SLC8A1: variants seen among roughly 807,000 people sequenced by gnomAD.
SLC8A1 encodes sodium/calcium exchanger 1.
SLC8A1 carries 18 observed loss-of-function variants against 68.3 expected under a neutral mutation model. The observed-to-expected ratio is 0.26, with a 90% confidence interval of 0.18 to 0.39. SLC8A1 has a LOEUF of 0.39. Among genes scored for constraint, SLC8A1 ranks in the 10% least tolerant of loss-of-function variants. The pLI is 1.00. For missense variants in SLC8A1, 985 were observed against 1,156.7 expected, an observed-to-expected ratio of 0.85 and a Z score of 2.15; for synonymous variants, 475 against 415.5, an observed-to-expected ratio of 1.14 and a Z score of -1.74.
rs575897185 is a variant in SLC8A1 at position 40,136,915 on chromosome 2, C to A, written c.2437+2486G>T. ...GCTTGCTGCACAGTTAATATTGCAG[C>A]AAATTATGGAATTCTCTCAATAACA... On this transcript the variant is annotated intron_variant, in intron 7 of 7. Transcript: ENST00000406785. Among the ~76,000 whole-genome samples, 12 of 152,282 alleles carry A rather than the reference C, an allele frequency of 7.9e-5. No individual in the cohort carries two copies. The South Asian group carries it at 2.1e-3, about 26-fold the overall frequency.
chr2:40,251,917 C>CAAGTAGT (rs2062818439), intron 2 of SLC8A1: 1 of 150,942 alleles, frequency 6.6e-6, no homozygotes, highest in Non-Finnish European at 1.5e-5. Flanking sequence ...CGTGTAGATA[C>CAAGTAGT]AAGTAGTCTC....
chr2:40,409,166 C>G (rs1424218684), intron 2 of SLC8A1, among the ~76,000 whole-genome samples: 1 of 152,088 alleles, frequency 6.6e-6, no homozygotes, highest in Non-Finnish European at 1.5e-5. Flanking sequence ...AATTTCCCTG[C>G]AATAGTCACA....
chr2:40,320,273 AC>A (rs1286134328), intron 2 of SLC8A1, among the ~76,000 whole-genome samples: 2 of 152,154 alleles, frequency 1.3e-5, no homozygotes, highest in African/African-American at 4.8e-5. Flanking sequence ...GCAAAAATAA[AC>A]ATCCGATGTT....
At chr2:40,276,229 G>C (rs1246341522) in intron 2 of SLC8A1, among the ~76,000 whole-genome samples, 3 of 152,178 alleles carry the variant, frequency 2.0e-5, no homozygotes, top group Middle Eastern at 3.2e-3. Flanking sequence ...AGGGCAAGAA[G>C]ACAAGACAGA....
intron 2 of SLC8A1, among the ~76,000 whole-genome samples, chr2:40,272,068 T>C (rs2066107674): frequency 6.6e-6 from 1 of 152,052 alleles, no homozygotes; most frequent in Non-Finnish European, 1.5e-5. Flanking sequence ...GGGGTCTCAC[T>C]GTATTGCCCT....
chr2:40,338,786 G>A (rs1003577024), intron 2 of SLC8A1, among the ~76,000 whole-genome samples: 9 of 152,008 alleles, frequency 5.9e-5, no homozygotes, highest in African/African-American at 2.2e-4. Flanking sequence ...GATCCTGAAA[G>A]GTATCATATG....
intron 5 of SLC8A1, among the ~76,000 whole-genome samples, chr2:40,163,165 C>G (rs1378775778): frequency 1.3e-5 from 2 of 152,120 alleles, no homozygotes; most frequent in Non-Finnish European, 2.9e-5. Context: ...GGGGCACTTT[C>G]AAATGGTCAG....
At chr2:40,347,793 A>C (rs1176983359) in intron 2 of SLC8A1, among the ~76,000 whole-genome samples, 2 of 152,214 alleles carry the variant, frequency 1.3e-5, no homozygotes, top group Non-Finnish European at 2.9e-5. Flanking sequence ...TTTAGTGATT[A>C]ATCCTGAATT....
At chr2:40,449,968 C>CT (rs1456116671) in intron 1 of SLC8A1, among the ~76,000 whole-genome samples, 3 of 152,154 alleles carry the variant, frequency 2.0e-5, no homozygotes, top group Non-Finnish European at 1.5e-5. Flanking sequence ...GAAATCTTAG[C>CT]TAAAGAGCCG....
intron 7 of SLC8A1, among the ~76,000 whole-genome samples, chr2:40,127,461 T>C (rs1418496307): frequency 2.6e-5 from 4 of 152,180 alleles, no homozygotes; most frequent in Admixed American, 1.3e-4. Flanking sequence ...TGATTTGCCA[T>C]ATTTCACCCA....
intron 2 of SLC8A1, among the ~76,000 whole-genome samples, chr2:40,277,279 G>A (rs955958277): frequency 6.6e-6 from 1 of 151,498 alleles, no homozygotes; most frequent in African/African-American, 2.4e-5. Flanking sequence ...GGTAGCTCAC[G>A]CCTATAATCC....
exon 8 of SLC8A1, chr2:40,114,999 C>T (rs1189509157): frequency 4.2e-6 from 1 of 236,838 alleles, no homozygotes; most frequent in Non-Finnish European, 8.0e-6. Context: ...GATTTATCAA[C>T]CTGGAGAGAG....
intron 2 of SLC8A1, among the ~76,000 whole-genome samples, chr2:40,396,871 G>A (rs893389044): frequency 2.0e-5 from 3 of 151,700 alleles, no homozygotes; most frequent in African/African-American, 7.3e-5. Context: ...TTTTTGGGTT[G>A]GTCTTCTAGC....
chr2:40,152,324 T>G (rs72937241), intron 6 of SLC8A1, among the ~76,000 whole-genome samples: 2,823 of 152,266 alleles, frequency 0.019, 91 homozygotes, highest in African/African-American at 0.064. Flanking sequence ...TAGAAAAACC[T>G]CCAACATAGT....
At chr2:40,183,691 C>G (rs2050075975) in intron 2 of SLC8A1, among the ~76,000 whole-genome samples, 1 of 152,102 alleles carries the variant, frequency 6.6e-6, no homozygotes, top group Admixed American at 6.6e-5. Flanking sequence ...ACAATGGGTT[C>G]TTGTTATTAA....
chr2:40,297,057 G>C (rs191626244), intron 2 of SLC8A1, among the ~76,000 whole-genome samples: 1 of 151,924 alleles, frequency 6.6e-6, no homozygotes, highest in African/African-American at 2.4e-5. Context: ...ACATGTCTTG[G>C]TGAACTGAAG....
chr2:40,370,527 A>C (rs188684112), intron 2 of SLC8A1, among the ~76,000 whole-genome samples: 32 of 152,224 alleles, frequency 2.1e-4, no homozygotes, highest in African/African-American at 7.7e-4. Context: ...CCTTGCGTCT[A>C]ACAAAACATC....
chr2:40,252,837 T>TATAG (rs2063021979), intron 2 of SLC8A1, among the ~76,000 whole-genome samples: 1 of 113,204 alleles, frequency 8.8e-6, no homozygotes, highest in African/African-American at 3.9e-5. Flanking sequence ...TATACATGTG[T>TATAG]ATACATATAT....
chr2:40,432,445 G>A (rs4411757), intron 1 of SLC8A1, among the ~76,000 whole-genome samples: 91,021 of 136,854 alleles, frequency 0.67, 32,046 homozygotes, highest in East Asian at 0.93. Flanking sequence ...GTGTATACAC[G>A]TGGGATGCAT....
Sources: gnomAD v4.1 joint callset for allele counts (sites outside exome capture counted in the v4.1 genomes callset) on GRCh38, gnomAD v4.1.1 for gene constraint, MANE v1.5 for transcripts, NCBI Gene and HGNC (gene_info 2026-07-23, HGNC 2026-07-21) for gene names.